FSTL4: variants seen among roughly 807,000 people sequenced by gnomAD.
FSTL4 encodes follistatin-related protein 4.
A neutral mutation model predicts 78.2 loss-of-function variants in FSTL4; 28 were observed. The ratio of observed to expected loss-of-function variants is 0.36; its 90% CI spans 0.27 to 0.49. The LOEUF (loss-of-function observed/expected upper bound fraction) is 0.49, where lower values mean the gene tolerates loss of function less well. Among genes scored for constraint, FSTL4 ranks in the 20% least tolerant of loss-of-function variants. The pLI is 0.98. For synonymous variants in FSTL4, 422 were observed against 440.5 expected, an observed-to-expected ratio of 0.96 and a Z score of 0.53; for missense variants, 922 against 1,084.9, an observed-to-expected ratio of 0.85 and a Z score of 2.11.
chr5:133,669,964 A>G, the FSTL4 span, among the ~76,000 whole-genome samples: 1 of 152,198 alleles, frequency 6.6e-6, no homozygotes, highest in Non-Finnish European at 1.5e-5. Context: ...CACTAGATGC[A>G]TGAGATGTGA....
intron 3 of FSTL4, among the ~76,000 whole-genome samples, chr5:133,481,142 C>A (rs1758019181): frequency 6.6e-6 from 1 of 152,210 alleles, no homozygotes; most frequent in Non-Finnish European, 1.5e-5. Flanking sequence ...GTACATGTGA[C>A]TCCATGAGCA....
At chr5:133,762,770 T>C in the FSTL4 span, among the ~76,000 whole-genome samples, 1 of 152,202 alleles carries the variant, frequency 6.6e-6, no homozygotes, top group Non-Finnish European at 1.5e-5. Flanking sequence ...CCGAGACCAC[T>C]GAACTAAAGC....
At chr5:133,527,222 A>G (rs1335773198) in intron 3 of FSTL4, among the ~76,000 whole-genome samples, 1 of 152,202 alleles carries the variant, frequency 6.6e-6, no homozygotes, top group South Asian at 2.1e-4. Context: ...AACACCTTCC[A>G]CTTCTCTGCA....
chr5:133,469,464 C>T (rs1757775275), intron 3 of FSTL4, among the ~76,000 whole-genome samples: 1 of 152,222 alleles, frequency 6.6e-6, no homozygotes, highest in South Asian at 2.1e-4. Context: ...AATTTTGGTG[C>T]TGTTCCCTGC....
upstream of FSTL4, among the ~76,000 whole-genome samples, chr5:133,616,019 T>C (rs780497932): frequency 6.6e-6 from 1 of 152,132 alleles, no homozygotes; most frequent in Non-Finnish European, 1.5e-5. Flanking sequence ...AGGGGCTGGA[T>C]TGATGGCACA....
chr5:133,312,166 T>C (rs1753799716), intron 6 of FSTL4, among the ~76,000 whole-genome samples: 2 of 152,152 alleles, frequency 1.3e-5, no homozygotes, highest in African/African-American at 4.8e-5. Flanking sequence ...TCTCCAGGGA[T>C]CCCCTGCCTC....
At chr5:133,372,502 C>T (rs985436694) in intron 4 of FSTL4, among the ~76,000 whole-genome samples, 1 of 152,090 alleles carries the variant, frequency 6.6e-6, no homozygotes, top group African/African-American at 2.4e-5. Flanking sequence ...CCACAACGAG[C>T]CCTGGAGTCA....
At chr5:133,657,759 G>GTTTTTTT in the FSTL4 span, among the ~76,000 whole-genome samples, 1 of 111,774 alleles carries the variant, frequency 8.9e-6, no homozygotes, top group Non-Finnish European at 1.8e-5. Flanking sequence ...CTAGCTTACT[G>GTTTTTTT]TTTTTTGTTT....
At chr5:133,737,820 G>A in the FSTL4 span, among the ~76,000 whole-genome samples, 1 of 151,948 alleles carries the variant, frequency 6.6e-6, no homozygotes, top group Non-Finnish European at 1.5e-5. Context: ...GGCCAGGCTG[G>A]TCTCGAACTC....
intron 4 of FSTL4, among the ~76,000 whole-genome samples, chr5:133,334,227 A>C (rs1431222414): frequency 1.3e-5 from 2 of 152,234 alleles, no homozygotes; most frequent in Non-Finnish European, 2.9e-5. Context: ...TTCAAGTTCT[A>C]CATGCAGCTT....
intron 4 of FSTL4, among the ~76,000 whole-genome samples, chr5:133,391,428 C>T (rs1270251446): frequency 6.6e-6 from 1 of 152,218 alleles, no homozygotes; most frequent in African/African-American, 2.4e-5. Flanking sequence ...ACAGGGCCTT[C>T]CTCAAACAGC....
Position 133,225,519 on chromosome 5 carries a change from CAG to C in FSTL4, c.1177+137_1177+138del. On this transcript the variant is annotated intron_variant, in intron 9 of 15. Transcript: ENST00000265342. The surrounding 1 kb of genome is among the most constrained non-coding windows in gnomAD (Gnocchi z 4.6). ...AAAAGATCTGTGTGAGCCCAGATAACAGGGAAATTTGGGAGCCATCTGTTCAC... is the reference window on the plus strand; with the variant it reads ...AAAAGATCTGTGTGAGCCCAGATAACGGAAATTTGGGAGCCATCTGTTCAC... 5.6e-6 allele frequency: 5 copies of C among 892,592 alleles called. No individual in the cohort carries two copies. Among genetic ancestry groups the C allele is most frequent in the Non-Finnish European group, 8.7e-6 (5 of 573,196 alleles). The allele number at this position is 892,592 out of a possible 1,614,324, so 55.3% of individuals were successfully genotyped here. A position where few individuals can be genotyped will look rare whatever the true frequency, so the allele number is the denominator to read the frequency against.
intron 3 of FSTL4, among the ~76,000 whole-genome samples, chr5:133,473,642 G>C (rs1757870303): frequency 1.3e-5 from 2 of 152,212 alleles, no homozygotes; most frequent in African/African-American, 4.8e-5. Context: ...AACAGAGATA[G>C]AATCTCTAGA....
chr5:133,827,407 C>T, the FSTL4 span, among the ~76,000 whole-genome samples: 12 of 152,160 alleles, frequency 7.9e-5, no homozygotes, highest in South Asian at 2.5e-3. Flanking sequence ...TAAGGAGTGT[C>T]GCGGATGCCT....
At chr5:133,290,192 G>A (rs1421861482) in intron 6 of FSTL4, among the ~76,000 whole-genome samples, 1 of 152,222 alleles carries the variant, frequency 6.6e-6, no homozygotes, top group Non-Finnish European at 1.5e-5. Context: ...AGGACTGTGA[G>A]GAGGAGAGTG....
chr5:133,222,269 G>A (rs1197510057), intron 11 of FSTL4, among the ~76,000 whole-genome samples: 1 of 152,034 alleles, frequency 6.6e-6, no homozygotes, highest in Non-Finnish European at 1.5e-5. Flanking sequence ...AAGCAATCCC[G>A]GGGGAATCAG....
intron 3 of FSTL4, among the ~76,000 whole-genome samples, chr5:133,530,787 C>T (rs1279553650): frequency 6.6e-6 from 1 of 152,200 alleles, no homozygotes; most frequent in Non-Finnish European, 1.5e-5. Context: ...GGCCAAGAAA[C>T]CCCTAACTAA....
intron 8 of FSTL4, among the ~76,000 whole-genome samples, chr5:133,230,443 C>A (rs549923707): frequency 3.9e-5 from 6 of 152,164 alleles, no homozygotes; most frequent in South Asian, 2.1e-4. Context: ...GCCTGCAAGT[C>A]AAGGGTGTGG....
the FSTL4 span, among the ~76,000 whole-genome samples, chr5:133,728,781 AT>A: frequency 6.6e-6 from 1 of 151,558 alleles, no homozygotes; most frequent in Non-Finnish European, 1.5e-5. Context: ...GTGTTCTTTA[AT>A]TGTGAGCAAT....
Sources: gnomAD v4.1 joint callset for allele counts (sites outside exome capture counted in the v4.1 genomes callset) on GRCh38, gnomAD v4.1.1 for gene constraint, Gnocchi (gnomAD v3.1) non-coding constraint, MANE v1.5 for transcripts, NCBI Gene and HGNC (gene_info 2026-07-23, HGNC 2026-07-21) for gene names.